KDM2B: variants seen among roughly 807,000 people sequenced by gnomAD.
KDM2B encodes the protein lysine demethylase 2B, also known as lysine-specific demethylase 2B.
In KDM2B, 26 loss-of-function variants were observed where a neutral mutation model predicts 150.0. The ratio of observed to expected loss-of-function variants is 0.17; its 90% CI spans 0.13 to 0.24. The LOEUF is 0.24. KDM2B is among the 10% of genes least tolerant of loss of function. KDM2B has a pLI of 1.00. For missense variants in KDM2B, 1,265 were observed against 1,816.9 expected, an observed-to-expected ratio of 0.70 and a Z score of 5.52; for synonymous variants, 734 against 729.5, an observed-to-expected ratio of 1.01 and a Z score of -0.10.
rs149251519 is a variant in KDM2B, at chr12:121,580,915, G to A, written c.-4C>T. ...CCCCCATTTGCGGACCCGCCATGTG[G>A]AGGAGGCATTTGGGGGGCTCAGAAG... On this transcript the variant is annotated 5_prime_UTR_variant, in exon 1 of 23. Coordinates refer to ENST00000377071, the MANE Select transcript of KDM2B (RefSeq NM_032590.5). 1,357 of 1,613,588 alleles carry A rather than the reference G, an allele frequency of 8.4e-4. 19 individuals carry two copies. In the East Asian group the frequency reaches 0.026, roughly 31 times the overall value.
At chr12:121,416,216 A>T in the KDM2B span, 1 of 1,614,052 alleles carries the variant, frequency 6.2e-7, no homozygotes, top group Non-Finnish European at 8.5e-7. Flanking sequence ...AGTCATGGGA[A>T]CTGGAGCTGT....
intron 11 of KDM2B, among the ~76,000 whole-genome samples, chr12:121,507,588 T>G (rs1885204375): frequency 6.6e-6 from 1 of 152,158 alleles, no homozygotes; most frequent in Non-Finnish European, 1.5e-5. Context: ...AAGTCCAGCC[T>G]CAGGCCAATC....
intron 11 of KDM2B, among the ~76,000 whole-genome samples, chr12:121,503,035 TG>T (rs1164988803): frequency 6.7e-6 from 1 of 149,212 alleles, no homozygotes; most frequent in African/African-American, 2.5e-5. Flanking sequence ...TAGGGTGCAA[TG>T]GCGCAATCTC....
At chr12:121,562,550 C>T (rs544931652) in intron 4 of KDM2B, among the ~76,000 whole-genome samples, 26 of 152,044 alleles carry the variant, frequency 1.7e-4, no homozygotes, top group African/African-American at 6.0e-4. Context: ...AGTTTTTCTC[C>T]AAAACACAGT....
the KDM2B span, among the ~76,000 whole-genome samples, chr12:121,408,477 T>A: frequency 6.6e-6 from 1 of 151,780 alleles, no homozygotes; most frequent in South Asian, 2.1e-4. Flanking sequence ...AAATAAAAAC[T>A]AGAAAATGTG....
At chr12:121,503,815 G>C (rs1478050218) in intron 11 of KDM2B, among the ~76,000 whole-genome samples, 2 of 152,240 alleles carry the variant, frequency 1.3e-5, no homozygotes, top group Non-Finnish European at 2.9e-5. Flanking sequence ...CCATATCATA[G>C]TGAGGACACT....
chr12:121,561,187 C>T (rs1171029844), intron 4 of KDM2B, among the ~76,000 whole-genome samples: 2 of 152,174 alleles, frequency 1.3e-5, no homozygotes, highest in African/African-American at 4.8e-5. Flanking sequence ...GCCTCGGGCT[C>T]GGGGCCAGGA....
intron 14 of KDM2B, 23 bp downstream of exon 14, chr12:121,445,252 C>A (rs1555289888): frequency 6.2e-7 from 1 of 1,610,786 alleles, no homozygotes; most frequent in Admixed American, 1.7e-5. Context: ...GTCAGCACCA[C>A]CTGTCCCCAC....
At chr12:121,413,020 A>G in the KDM2B span, among the ~76,000 whole-genome samples, 1 of 133,824 alleles carries the variant, frequency 7.5e-6, no homozygotes, top group Non-Finnish European at 1.6e-5. Flanking sequence ...TGCCCAGGCT[A>G]TTTTTTTTTT....
intron 4 of KDM2B, among the ~76,000 whole-genome samples, chr12:121,564,527 AT>A (rs1890563207): frequency 6.6e-6 from 1 of 152,156 alleles, no homozygotes; most frequent in Admixed American, 6.5e-5. Flanking sequence ...CAAAACTGCT[AT>A]TGTTAATAGA....
intron 12 of KDM2B, among the ~76,000 whole-genome samples, chr12:121,460,963 C>T (rs1407506010): frequency 6.6e-6 from 1 of 152,132 alleles, no homozygotes; most frequent in African/African-American, 2.4e-5. Flanking sequence ...AGACATGGCA[C>T]AGTTAAGTCA....
rs555185652 is a variant in KDM2B at position 121,533,758 on chromosome 12, A to C, written c.777+739T>G. On this transcript the variant is annotated intron_variant, in intron 7 of 22. Transcript: ENST00000377071. The surrounding 1 kb of genome is among the most constrained non-coding windows in gnomAD (Gnocchi z 4.1). ...GGAGCAGGCCTGCATGGGTGACTAG[A>C]TGCGATGTAAAAGGGCTGAACTTGA... 4.0e-5 allele frequency among the ~76,000 whole-genome samples: 6 copies of C among 151,856 alleles called. No homozygotes were observed. The South Asian group carries it at 6.3e-4, about 16-fold the overall frequency.
intron 11 of KDM2B, among the ~76,000 whole-genome samples, chr12:121,500,233 C>T (rs1238692936): frequency 6.6e-6 from 1 of 152,124 alleles, no homozygotes; most frequent in African/African-American, 2.4e-5. Context: ...TGAATTTATA[C>T]ACTCCCTGGG....
chr12:121,580,128 G>A, intron 1 of KDM2B: 4 of 1,570,358 alleles, frequency 2.5e-6, no homozygotes, highest in Non-Finnish European at 2.6e-6. Flanking sequence ...AAGGAGGGAA[G>A]ACCAAAGAAA....
intron 4 of KDM2B, among the ~76,000 whole-genome samples, chr12:121,550,127 T>C (rs1555311556): frequency 2.0e-5 from 3 of 152,070 alleles, no homozygotes; most frequent in East Asian, 1.9e-4. Flanking sequence ...CTGGCCAACA[T>C]AGTGAAACCC....
At chr12:121,519,390 A>C (rs1416502270) in intron 9 of KDM2B, among the ~76,000 whole-genome samples, 1 of 152,184 alleles carries the variant, frequency 6.6e-6, no homozygotes, top group Non-Finnish European at 1.5e-5. Flanking sequence ...GCCATCTCAG[A>C]AGCAAATCCC....
At chr12:121,535,934 G>A (rs2141615674) in intron 6 of KDM2B, 1 of 449,564 alleles carries the variant, frequency 2.2e-6, no homozygotes, top group East Asian at 1.5e-4. Context: ...AGAGCCCCAG[G>A]TGGCACGGAT....
rs1032782954 is a variant in KDM2B, at chr12:121,518,136, G to A, written c.1047+2849C>T. ...TCGAACCCCTGACCTCAGATCATCCGCCCGCCTTGGCCTCCCAAAGTGCTG... is the reference window on the plus strand; with the variant it reads ...TCGAACCCCTGACCTCAGATCATCCACCCGCCTTGGCCTCCCAAAGTGCTG... On this transcript the variant is annotated intron_variant, in intron 9 of 22. Transcript: ENST00000377071. The surrounding 1 kb of genome is among the most constrained non-coding windows in gnomAD (Gnocchi z 4.4). Among the ~76,000 whole-genome samples, 2 of 152,134 alleles carry A rather than the reference G, an allele frequency of 1.3e-5. No homozygotes were observed. The highest frequency in any genetic ancestry group is 2.1e-4 in the South Asian group (1 of 4,818).
At chr12:121,411,363 T>G in the KDM2B span, among the ~76,000 whole-genome samples, 1 of 151,754 alleles carries the variant, frequency 6.6e-6, no homozygotes, top group East Asian at 1.9e-4. Flanking sequence ...CCTCCAAAAT[T>G]GGTATCTACA....
Sources: gnomAD v4.1 joint callset for allele counts (sites outside exome capture counted in the v4.1 genomes callset) on GRCh38, gnomAD v4.1.1 for gene constraint, Gnocchi (gnomAD v3.1) non-coding constraint, MANE v1.5 for transcripts, NCBI Gene and HGNC (gene_info 2026-07-23, HGNC 2026-07-21) for gene names.